The following SUSD4 variants were observed in gnomAD, a reference collection of about 807,000 sequenced individuals.
The protein encoded by SUSD4 is sushi domain-containing protein 4.
A neutral mutation model predicts 50.5 loss-of-function variants in SUSD4; 41 were observed. The observed-to-expected ratio is 0.81, with a 90% CI of 0.63 to 1.05. The LOEUF is 1.05. Ranked by LOEUF, SUSD4 falls within the 50% of genes least tolerant of loss-of-function variation. SUSD4 has a pLI of 0.00. For synonymous variants in SUSD4, 257 were observed against 257.3 expected, an observed-to-expected ratio of 1.00 and a Z score of 0.01; for missense variants, 580 against 634.7, an observed-to-expected ratio of 0.91 and a Z score of 0.93.
At chr1:223,235,083 G>A (rs1258237760) in intron 5 of SUSD4, 56 of 1,604,384 alleles carry the variant, frequency 3.5e-5, no homozygotes, top group Non-Finnish European at 4.5e-5. Flanking sequence ...ACAGGGAAAA[G>A]ATGTTCAGGT....
At chr1:223,278,095 T>C (rs1663408581) in intron 3 of SUSD4, among the ~76,000 whole-genome samples, 1 of 152,190 alleles carries the variant, frequency 6.6e-6, no homozygotes, top group South Asian at 2.1e-4. Context: ...AGTTCCAAGA[T>C]GGCTGAATAG....
At chr1:223,300,567 T>C (rs1665123306) in intron 2 of SUSD4, among the ~76,000 whole-genome samples, 1 of 151,926 alleles carries the variant, frequency 6.6e-6, no homozygotes, top group South Asian at 2.1e-4. Context: ...AGGAAGAGTG[T>C]ATCAAATGTA....
At chr1:223,331,182 G>A (rs547553879) in intron 2 of SUSD4, among the ~76,000 whole-genome samples, 17 of 152,128 alleles carry the variant, frequency 1.1e-4, no homozygotes, top group South Asian at 6.2e-4. Flanking sequence ...TTTTGCTGAC[G>A]GAATTAGCAA....
chr1:223,353,093 C>T (rs562287858), intron 2 of SUSD4, among the ~76,000 whole-genome samples: 1 of 152,308 alleles, frequency 6.6e-6, no homozygotes, highest in African/African-American at 2.4e-5. Flanking sequence ...AGAAGTTCCT[C>T]TCAACACCAC....
chr1:223,352,149 T>C (rs1668404591), intron 2 of SUSD4, among the ~76,000 whole-genome samples: 1 of 151,764 alleles, frequency 6.6e-6, no homozygotes, highest in Non-Finnish European at 1.5e-5. Context: ...GTAACAGGAG[T>C]CTACCCTTGA....
At chr1:223,293,127 G>C (rs772089950) in intron 2 of SUSD4, among the ~76,000 whole-genome samples, 38 of 152,150 alleles carry the variant, frequency 2.5e-4, no homozygotes, top group Non-Finnish European at 5.0e-4. Flanking sequence ...GGGACTGGAA[G>C]ACGGCAGCGT....
intron 5 of SUSD4, among the ~76,000 whole-genome samples, chr1:223,248,641 C>G (rs712860): frequency 0.46 from 68,278 of 147,722 alleles, 15,514 homozygotes; most frequent in African/African-American, 0.49. Context: ...AGCCAATGAT[C>G]ATGAGGCTGG....
intron 3 of SUSD4, among the ~76,000 whole-genome samples, chr1:223,272,142 G>A (rs546366231): frequency 1.3e-5 from 2 of 152,300 alleles, no homozygotes; most frequent in East Asian, 1.9e-4. Context: ...CAGGAGAATC[G>A]CTTGAACCTG....
At chr1:223,343,448 C>T (rs972043995) in intron 2 of SUSD4, among the ~76,000 whole-genome samples, 5 of 152,012 alleles carry the variant, frequency 3.3e-5, no homozygotes, top group African/African-American at 9.7e-5. Flanking sequence ...ATGTGCAGCA[C>T]GATGGTGAAA....
intron 5 of SUSD4, among the ~76,000 whole-genome samples, chr1:223,238,878 AT>A (rs1421792131): frequency 6.6e-6 from 1 of 151,998 alleles, no homozygotes; most frequent in East Asian, 1.9e-4. Context: ...GAAATCAGTT[AT>A]GTCCTCACTG....
chr1:223,224,235 G>A (rs1364776944), intron 7 of SUSD4, among the ~76,000 whole-genome samples: 1 of 152,178 alleles, frequency 6.6e-6, no homozygotes, highest in Non-Finnish European at 1.5e-5. Context: ...TATTCAAGAG[G>A]CTGAGGCAGG....
chr1:223,315,554 G>A (rs902733550), intron 2 of SUSD4, among the ~76,000 whole-genome samples: 14 of 152,172 alleles, frequency 9.2e-5, no homozygotes, highest in Admixed American at 9.2e-4. Flanking sequence ...CCTAGCGTCT[G>A]CATTTTCAGA....
At chr1:223,234,926 C>T (rs770496886) in intron 5 of SUSD4, 15 of 1,564,286 alleles carry the variant, frequency 9.6e-6, no homozygotes, top group Admixed American at 4.4e-5. Flanking sequence ...TTAATTCAAA[C>T]GTCCTTTATT....
At chr1:223,263,952 T>C in intron 5 of SUSD4, 1 of 985,448 alleles carries the variant, frequency 1.0e-6, no homozygotes, top group African/African-American at 1.7e-5. Context: ...TTGGAGCTTG[T>C]TCTCTTCGGG....
intron 3 of SUSD4, among the ~76,000 whole-genome samples, chr1:223,286,186 G>A (rs2103130202): frequency 6.6e-6 from 1 of 152,196 alleles, no homozygotes. Flanking sequence ...CGCAATCTCG[G>A]CTCACTGCAA....
intron 2 of SUSD4, among the ~76,000 whole-genome samples, chr1:223,354,946 TTTTCTTTCTTTC>T (rs545859964): frequency 6.6e-6 from 1 of 152,052 alleles, no homozygotes; most frequent in East Asian, 1.9e-4. Context: ...TAAGAATGCA[TTTTCTTTCTTTC>T]TTTCTTTCTT....
rs1449263687 is a variant in SUSD4, at chr1:223,252,730, A to T, written c.724+11900T>A. Among the ~76,000 whole-genome samples, 9 of 136,472 alleles carry T rather than the reference A, an allele frequency of 6.6e-5. No homozygotes were observed. In the South Asian group the frequency reaches 6.9e-4, roughly 11 times the overall value. The allele number at this position is 136,472 out of a possible 152,430, so 89.5% of individuals were successfully genotyped here. On this transcript the variant is annotated intron_variant, in intron 5 of 8. Transcript: ENST00000366878. ...TTCCATATAATTGGCTTTTTTTTTTAAACTCCAGTCATGCTTCCCCTTCTT... is the reference window on the plus strand; with the variant it reads ...TTCCATATAATTGGCTTTTTTTTTTTAACTCCAGTCATGCTTCCCCTTCTT...
At position 223,287,143 on chromosome 1, in the gene SUSD4, T is replaced by C. The variant is rs549538267; in HGVS notation, c.361+5296A>G. 5.9e-5 allele frequency among the ~76,000 whole-genome samples: 9 copies of C among 152,332 alleles called. No homozygotes were observed. In the East Asian group the frequency reaches 1.7e-3, roughly 29 times the overall value. Reference sequence around the variant, plus strand: ...CAGGCTGGAGTACAGTGGCACGATATCGGTTCACTGCAACCTCTGCCTCCT... The same window carrying C: ...CAGGCTGGAGTACAGTGGCACGATACCGGTTCACTGCAACCTCTGCCTCCT... On this transcript the variant is annotated intron_variant, in intron 3 of 8. Transcript: ENST00000366878.
chr1:223,259,294 T>G (rs1661928313), intron 5 of SUSD4, among the ~76,000 whole-genome samples: 1 of 152,252 alleles, frequency 6.6e-6, no homozygotes, highest in Admixed American at 6.5e-5. Context: ...TTTCTAAACT[T>G]GATTCCATCT....
Sources: allele counts gnomAD v4.1 joint callset (sites outside exome capture counted in the v4.1 genomes callset), GRCh38; gene constraint gnomAD v4.1.1; transcripts MANE v1.5; gene names NCBI Gene and HGNC (gene_info 2026-07-23, HGNC 2026-07-21).